PLEKHA7: variants seen among roughly 807,000 people sequenced by gnomAD.
PLEKHA7 encodes pleckstrin homology domain-containing family A member 7.
PLEKHA7 carries 104 observed loss-of-function variants against 170.0 expected under a neutral mutation model. The observed-to-expected ratio is 0.61, with a 90% CI of 0.52 to 0.72. The LOEUF is 0.72. Ranked by LOEUF, PLEKHA7 falls within the 30% of genes least tolerant of loss-of-function variation. PLEKHA7 has a pLI of 0.00. For synonymous variants in PLEKHA7, 648 were observed against 660.8 expected (o/e 0.98, Z 0.30); for missense variants, 1,615 against 1,671.7 (o/e 0.97, Z 0.59).
intron 3 of PLEKHA7, among the ~76,000 whole-genome samples, chr11:16,897,769 T>C (rs551937029): frequency 1.6e-4 from 24 of 152,328 alleles, no homozygotes; most frequent in African/African-American, 5.3e-4. Flanking sequence ...TGACTCTAAC[T>C]AGCTGCAGCG....
chr11:16,792,436 CATA>C (rs752678314), intron 19 of PLEKHA7, among the ~76,000 whole-genome samples: 46 of 149,772 alleles, frequency 3.1e-4, no homozygotes, highest in Non-Finnish European at 6.4e-4. Flanking sequence ...ATCTCACAAA[CATA>C]ATGTTGAAGA....
intron 3 of PLEKHA7, among the ~76,000 whole-genome samples, chr11:16,987,746 G>A (rs981588262): frequency 3.9e-5 from 6 of 152,042 alleles, no homozygotes; most frequent in African/African-American, 1.4e-4. Flanking sequence ...CTTTCCCCAC[G>A]AAGGCTTCCT....
At position 16,831,041 on chromosome 11, in the gene PLEKHA7, C is replaced by G. The variant is rs1055171999; in HGVS notation, c.873-4451G>C. On this transcript the variant is annotated intron_variant, in intron 9 of 26. Transcript: ENST00000531066. ...TACCAGCATTTATTGCAAAACAAAGCTTTAGAGGGTGGCAGAGCGAATGGC... is the reference window on the plus strand; with the variant it reads ...TACCAGCATTTATTGCAAAACAAAGGTTTAGAGGGTGGCAGAGCGAATGGC... Among the ~76,000 whole-genome samples, 11 of 152,138 alleles carry G rather than the reference C, an allele frequency of 7.2e-5. No individual in the cohort carries two copies. The South Asian group carries it at 1.7e-3, about 23-fold the overall frequency.
intron 3 of PLEKHA7, among the ~76,000 whole-genome samples, chr11:16,981,661 G>C (rs977659439): frequency 6.6e-6 from 1 of 152,154 alleles, no homozygotes. Flanking sequence ...GGAAGGAGCT[G>C]CAATAACTTG....
At position 16,794,967 on chromosome 11, in the gene PLEKHA7, C is replaced by T; in HGVS notation, c.2461G>A (p.Gly821Ser). ...AAGTTCTCTTTATTTGCACTCAGGCCTGCAGTGACATCTTCAATTCTCCAT... is the reference window on the plus strand; with the variant it reads ...AAGTTCTCTTTATTTGCACTCAGGCTTGCAGTGACATCTTCAATTCTCCAT... Reference protein sequence around the residue: ...DLWRIEDVTAGLSANKENFRI... With the variant: ...DLWRIEDVTASLSANKENFRI... Residue 821 changes from glycine to serine, a missense_variant, in exon 18 of 27, where the codon GGC becomes AGC. By Grantham distance (56) the Gly-to-Ser change is moderately conservative (BLOSUM62 0). Coordinates refer to ENST00000531066, the MANE Select transcript of PLEKHA7 (RefSeq NM_001329630.2). The T allele has an allele frequency of 6.2e-7, 1 of 1,614,076 alleles. No homozygotes were observed. Among genetic ancestry groups the T allele is most frequent in the Non-Finnish European group, 8.5e-7 (1 of 1,179,968 alleles).
intron 13 of PLEKHA7, 149 bp downstream of exon 13, chr11:16,812,964 T>C (rs961660897): frequency 8.3e-6 from 5 of 600,822 alleles, no homozygotes; most frequent in African/African-American, 3.7e-5. Context: ...AGAAATAAAG[T>C]TCTTCTGATT....
chr11:17,001,116 C>T (rs543356773), intron 3 of PLEKHA7, among the ~76,000 whole-genome samples: 1 of 152,146 alleles, frequency 6.6e-6, no homozygotes, highest in Non-Finnish European at 1.5e-5. Context: ...GGCTGCCTGG[C>T]CTTCCTTGGT....
At chr11:16,808,833 T>C (rs1322817437) in intron 13 of PLEKHA7, among the ~76,000 whole-genome samples, 2 of 152,158 alleles carry the variant, frequency 1.3e-5, no homozygotes, top group Admixed American at 6.5e-5. Flanking sequence ...ATGCCAAGAA[T>C]ACAATTCAAC....
At chr11:16,885,694 T>A (rs1856041396) in intron 3 of PLEKHA7, among the ~76,000 whole-genome samples, 1 of 150,486 alleles carries the variant, frequency 6.6e-6, no homozygotes, top group South Asian at 2.1e-4. Context: ...CTAACTGAGC[T>A]TTTGAAAGGT....
chr11:16,836,803 T>G (rs188782453), intron 9 of PLEKHA7, among the ~76,000 whole-genome samples: 19 of 151,936 alleles, frequency 1.3e-4, no homozygotes, highest in East Asian at 9.7e-4. Flanking sequence ...GGGCTTTTTT[T>G]TTTTGTTTTT....
chr11:16,911,648 A>T (rs143185877), intron 3 of PLEKHA7, among the ~76,000 whole-genome samples: 81 of 151,712 alleles, frequency 5.3e-4, no homozygotes, highest in African/African-American at 1.9e-3. Context: ...GGTCTCGGGG[A>T]TAACAGAGAG....
chr11:17,006,972 C>T (rs890719005), intron 3 of PLEKHA7, among the ~76,000 whole-genome samples: 1 of 152,204 alleles, frequency 6.6e-6, no homozygotes, highest in South Asian at 2.1e-4. Context: ...AAACACACAC[C>T]CTTGATACTT....
chr11:17,003,682 A>G (rs1864811464), intron 3 of PLEKHA7, among the ~76,000 whole-genome samples: 1 of 152,334 alleles, frequency 6.6e-6, no homozygotes, highest in African/African-American at 2.4e-5. Context: ...GTCTGACTCC[A>G]AAGTCCACAC....
chr11:16,838,983 G>C (rs1851749101), intron 9 of PLEKHA7, among the ~76,000 whole-genome samples: 1 of 152,026 alleles, frequency 6.6e-6, no homozygotes, highest in South Asian at 2.1e-4. Context: ...ACCGCACCCG[G>C]CCACACAGCT....
chr11:16,919,877 A>T lies in PLEKHA7; in HGVS notation c.222-48695T>A, dbSNP rs144605706. 6.6e-3 allele frequency among the ~76,000 whole-genome samples: 1,008 copies of T among 152,312 alleles called. 11 individuals carry two copies. Among genetic ancestry groups the T allele is most frequent in the African/African-American group, 0.023 (971 of 41,566 alleles). On this transcript the variant is annotated intron_variant, in intron 3 of 26. Transcript: ENST00000531066. ...GAGAGGGAATGACAAAGAGATATGT[A>T]CCATCTCTTCCTTCTTCACAAAGGA...
chr11:16,785,266 C>A (rs1849318446), intron 24 of PLEKHA7, among the ~76,000 whole-genome samples: 1 of 152,242 alleles, frequency 6.6e-6, no homozygotes, highest in Non-Finnish European at 1.5e-5. Context: ...TCCTATCACA[C>A]AGACCTGGGG....
intron 3 of PLEKHA7, among the ~76,000 whole-genome samples, chr11:16,899,665 T>C (rs943063861): frequency 6.6e-6 from 1 of 152,088 alleles, no homozygotes; most frequent in Admixed American, 6.6e-5. Context: ...AAAGAGGTAA[T>C]GATCTTTACT....
In PLEKHA7 at chr11:17,014,022, CCCT is replaced by C; in HGVS notation, c.185_187del (p.Glu62del). The C allele has an allele frequency of 6.4e-7, 1 of 1,552,600 alleles. No homozygotes were observed. Among genetic ancestry groups the C allele is most frequent in the East Asian group, 2.4e-5 (1 of 41,070 alleles). ...GTAGCTGGCGCCCTCCTCCGTGAAG[CCCT>C]CCTCCCAGCCGCGGGGCAGGTCTGC... On this transcript the variant is annotated inframe_deletion, in exon 3 of 27. Coordinates refer to ENST00000531066, the MANE Select transcript of PLEKHA7 (RefSeq NM_001329630.2).
chr11:16,936,867 C>T (rs1237949519), intron 3 of PLEKHA7, among the ~76,000 whole-genome samples: 2 of 152,208 alleles, frequency 1.3e-5, no homozygotes, highest in African/African-American at 2.4e-5. Context: ...CTCTAATTGC[C>T]AAGAGATAAG....
Sources: gnomAD v4.1 joint callset for allele counts (sites outside exome capture counted in the v4.1 genomes callset) on GRCh38, gnomAD v4.1.1 for gene constraint, MANE v1.5 for transcripts, NCBI Gene and HGNC (gene_info 2026-07-23, HGNC 2026-07-21) for gene names.